Variants in ENTREP2 observed in about 807,000 individuals in gnomAD.
The protein encoded by ENTREP2 is protein ENTREP2.
At chr15:29,668,208 C>T in the ENTREP2 span, among the ~76,000 whole-genome samples, 97 of 152,342 alleles carry the variant, frequency 6.4e-4, 1 homozygote, top group African/African-American at 2.3e-3. Context: ...GCACAACCAA[C>T]AGGCCGCTCG....
the ENTREP2 span, among the ~76,000 whole-genome samples, chr15:29,486,795 A>G: frequency 6.6e-6 from 1 of 152,332 alleles, no homozygotes; most frequent in Admixed American, 6.5e-5. Flanking sequence ...CTGGAAGACA[A>G]ATACCACATG....
the ENTREP2 span, chr15:29,381,906 T>C: frequency 1.5e-6 from 2 of 1,379,192 alleles, no homozygotes; most frequent in Non-Finnish European, 2.0e-6. Flanking sequence ...CTGTGAACCG[T>C]TTCAACCCGG....
At chr15:29,534,669 G>A in the ENTREP2 span, among the ~76,000 whole-genome samples, 1 of 152,114 alleles carries the variant, frequency 6.6e-6, no homozygotes, top group African/African-American at 2.4e-5. Context: ...TGGTACTCTC[G>A]GTCCACAGAG....
chr15:29,594,060 T>G, the ENTREP2 span, among the ~76,000 whole-genome samples: 5 of 152,116 alleles, frequency 3.3e-5, no homozygotes, highest in Non-Finnish European at 5.9e-5. Flanking sequence ...GCACATTTTT[T>G]TTGCAACTTC....
chr15:29,446,084 G>A, the ENTREP2 span, among the ~76,000 whole-genome samples: 1 of 152,244 alleles, frequency 6.6e-6, no homozygotes, highest in Non-Finnish European at 1.5e-5. Flanking sequence ...AAGAGAGCTA[G>A]TTCGCCCCTT....
At chr15:29,494,656 C>T in the ENTREP2 span, among the ~76,000 whole-genome samples, 2 of 152,194 alleles carry the variant, frequency 1.3e-5, no homozygotes, top group Non-Finnish European at 2.9e-5. Context: ...TGACCAACAC[C>T]TACCCATTTC....
At chr15:29,233,828 T>C in the ENTREP2 span, 1 of 1,578,934 alleles carries the variant, frequency 6.3e-7, no homozygotes, top group Non-Finnish European at 8.7e-7. Flanking sequence ...TGGCGAAGAT[T>C]AAAAAGGAGT....
chr15:29,167,231 G>A, the ENTREP2 span, among the ~76,000 whole-genome samples: 3 of 152,040 alleles, frequency 2.0e-5, no homozygotes, highest in African/African-American at 7.2e-5. Context: ...AGATAACATC[G>A]GAAAAACCCT....
the ENTREP2 span, among the ~76,000 whole-genome samples, chr15:29,572,159 G>A: frequency 6.6e-6 from 1 of 152,306 alleles, no homozygotes. Flanking sequence ...CACTTTAGCA[G>A]GGATGGGATT....
chr15:29,639,234 C>T, the ENTREP2 span, among the ~76,000 whole-genome samples: 1 of 152,242 alleles, frequency 6.6e-6, no homozygotes, highest in East Asian at 1.9e-4. Context: ...CATGTTGGGT[C>T]GTGGAGACCA....
chr15:29,150,266 C>A, the ENTREP2 span, among the ~76,000 whole-genome samples: 5 of 152,318 alleles, frequency 3.3e-5, no homozygotes, highest in African/African-American at 1.2e-4. Context: ...CGGCTCCACG[C>A]CTGCTCATGC....
chr15:29,260,803 A>G, the ENTREP2 span, among the ~76,000 whole-genome samples: 1 of 152,208 alleles, frequency 6.6e-6, no homozygotes, highest in Admixed American at 6.5e-5. Context: ...AAGACATTTT[A>G]AGAGAATACT....
the ENTREP2 span, among the ~76,000 whole-genome samples, chr15:29,277,337 G>A: frequency 6.8e-6 from 1 of 146,386 alleles, no homozygotes; most frequent in Non-Finnish European, 1.5e-5. Flanking sequence ...GCAAGACTCC[G>A]TCTCAAAGAA....
the ENTREP2 span, among the ~76,000 whole-genome samples, chr15:29,656,629 A>G: frequency 6.6e-6 from 1 of 152,226 alleles, no homozygotes; most frequent in Non-Finnish European, 1.5e-5. Context: ...TTGCCAGGGA[A>G]GTGCAAATTA....
chr15:29,424,475 A>C, the ENTREP2 span, among the ~76,000 whole-genome samples: 1 of 152,268 alleles, frequency 6.6e-6, no homozygotes, highest in South Asian at 2.1e-4. Context: ...CTGACCCAGA[A>C]GCCCAACTTG....
the ENTREP2 span, among the ~76,000 whole-genome samples, chr15:29,579,672 A>ACCACAC: frequency 7.9e-3 from 998 of 126,216 alleles, 23 homozygotes; most frequent in African/African-American, 0.03. Flanking sequence ...CGCACCTGCC[A>ACCACAC]CCACACCCAG....
the ENTREP2 span, among the ~76,000 whole-genome samples, chr15:29,493,291 G>A: frequency 6.7e-6 from 1 of 148,948 alleles, no homozygotes; most frequent in South Asian, 2.2e-4. Flanking sequence ...CCGCCACTAC[G>A]CCCGGCTAAT....
the ENTREP2 span, among the ~76,000 whole-genome samples, chr15:29,618,422 CAAA>C: frequency 6.2e-5 from 5 of 80,186 alleles, no homozygotes; most frequent in Admixed American, 1.5e-4. Context: ...GACTCTGTCT[CAAA>C]AAAAAAAAAA....
chr15:29,594,968 T>C, the ENTREP2 span, among the ~76,000 whole-genome samples: 1 of 144,894 alleles, frequency 6.9e-6, no homozygotes, highest in African/African-American at 2.6e-5. Flanking sequence ...CTGGGGAGGC[T>C]GAGGCAGGAG....
Sources: gnomAD v4.1 joint callset for allele counts (sites outside exome capture counted in the v4.1 genomes callset) on GRCh38, gnomAD v4.1.1 for gene constraint, MANE v1.5 for transcripts, NCBI Gene and HGNC (gene_info 2026-07-23, HGNC 2026-07-21) for gene names.